ZNF28: variants seen among roughly 807,000 people sequenced by gnomAD.
ZNF28 encodes the protein zinc finger protein 28, also known as zinc finger protein KOX24.
In ZNF28, 5 loss-of-function variants were observed where a neutral mutation model predicts 7.2. The ratio of observed to expected loss-of-function variants is 0.70; its 90% CI spans 0.36 to 1.46. ZNF28 has a LOEUF of 1.46. Ranked by LOEUF, ZNF28 falls within the 40% of genes most tolerant of loss-of-function variation. ZNF28 has a pLI of 0.03. For missense variants in ZNF28, 879 were observed against 866.6 expected (o/e 1.01, Z -0.18); for synonymous variants, 288 against 292.4 (o/e 0.99, Z 0.15).
In ZNF28 at chr19:52,798,742, G is replaced by T; in HGVS notation, c.*946C>A. 1 of 549,822 alleles carries T rather than the reference G, an allele frequency of 1.8e-6. No homozygotes were observed. Among genetic ancestry groups the T allele is most frequent in the Non-Finnish European group, 3.3e-6 (1 of 299,318 alleles). The allele number at this position is 549,822 out of a possible 1,614,324, so 34.1% of individuals were successfully genotyped here. On this transcript the variant is annotated 3_prime_UTR_variant, in exon 4 of 4. Coordinates refer to ENST00000457749, the MANE Select transcript of ZNF28 (RefSeq NM_006969.5). The stretch of plus-strand genomic sequence containing the variant: ...GAATAGCAATATATGAACGATATCT[G>T]AAAAATCTGTCACATTTATTACACT...
intron 2 of ZNF28, among the ~76,000 whole-genome samples, chr19:52,817,315 T>C (rs2063139564): frequency 6.6e-6 from 1 of 152,076 alleles, no homozygotes; most frequent in Non-Finnish European, 1.5e-5. Context: ...GAGGTTGCGG[T>C]GAGCTGAGAT....
At chr19:52,803,558 A>C (rs1298639601) in intron 3 of ZNF28, among the ~76,000 whole-genome samples, 1 of 152,264 alleles carries the variant, frequency 6.6e-6, no homozygotes, top group Non-Finnish European at 1.5e-5. Context: ...CTCTTAAGAA[A>C]AAAGCCAAAA....
chr19:52,810,047 CGCCCCATGCCTGGGA>C, intron 2 of ZNF28: 1 of 737,096 alleles, frequency 1.4e-6, no homozygotes, highest in Non-Finnish European at 2.5e-6. Context: ...TCCAGCCCCG[CGCCCCATGCCTGGGA>C]GCTCCAGGAC....
In ZNF28 at chr19:52,820,136, A is replaced by C. The variant is rs1319498104; in HGVS notation, c.-74+1450T>G. 1.8e-3 allele frequency among the ~76,000 whole-genome samples: 208 copies of C among 114,702 alleles called. 23 individuals are homozygous for C. The highest frequency in any genetic ancestry group is 8.3e-3 in the African/African-American group (202 of 24,330). 75.2% of individuals were successfully genotyped at this position (114,702 alleles called of 152,430 possible). ...TTTTTTTTTTTTTTTTTTGAGACGG[A>C]GTCTCGCTCTGTCGTCCAGGCCGGA... On this transcript the variant is annotated intron_variant, in intron 1 of 3. Transcript: ENST00000457749.
chr19:52,799,702 C>T lies in ZNF28; in HGVS notation c.2143G>A (p.Gly715Arg). The T allele has an allele frequency of 6.4e-7, 1 of 1,571,108 alleles. No individual in the cohort carries two copies. Among genetic ancestry groups the T allele is most frequent in the South Asian group, 1.1e-5 (1 of 88,762 alleles). Reference protein sequence around the residue: ...NLVYHHRLHSGEKP With the variant: ...NLVYHHRLHSREKP ...TCATTACACTTTCAAGGTTTCTCTC[C>T]ACTATGAAGTCTATGATGGTATACA... is the stretch of plus-strand genomic sequence containing the variant. Residue 715 changes from glycine (G) to arginine (R), a missense_variant, in exon 4 of 4, where the codon GGA becomes AGA. Gly to Arg is a moderately radical substitution (Grantham distance 125, BLOSUM62 -2). Around this residue, in one of 2 missense-constraint regions of ZNF28, gnomAD observed 15 missense variants for 36.4 expected, o/e 0.41. Transcript: ENST00000457749.
Position 52,801,674 on chromosome 19 carries a change from T to C in ZNF28, c.171A>G (p.Thr57=), listed in dbSNP as rs2062873755. The part of the protein sequence containing the change: ...LDISSKCMMK[T]FFSTGQGNTE... Reference sequence around the variant, plus strand: ...TATTGCCTTGCCCTGTTGAGAAGAATGTCTTCATCATGCATTTGGAAGAGA... The same window carrying C: ...TATTGCCTTGCCCTGTTGAGAAGAACGTCTTCATCATGCATTTGGAAGAGA... Residue 57 remains threonine (T), a synonymous_variant, in exon 4 of 4, where the codon ACA becomes ACG. Transcript: ENST00000457749. 3 of 1,611,468 alleles carry C rather than the reference T, an allele frequency of 1.9e-6. No homozygotes were observed. The highest frequency in any genetic ancestry group is 1.3e-5 in the African/African-American group (1 of 74,770).
chr19:52,807,760 C>A (rs925364534), intron 3 of ZNF28: 1 of 644,614 alleles, frequency 1.6e-6, no homozygotes, highest in East Asian at 3.4e-5. Flanking sequence ...CAGGCGTGAG[C>A]CACCACGACC....
intron 1 of ZNF28, among the ~76,000 whole-genome samples, chr19:52,819,675 G>A (rs1332954455): frequency 1.4e-5 from 2 of 140,166 alleles, no homozygotes; most frequent in Non-Finnish European, 3.0e-5. Context: ...TCTTACATGG[G>A]GGCCTGGAAG....
In ZNF28 at chr19:52,803,227, C is replaced by T. The variant is rs117520377; in HGVS notation, c.143-1525G>A. On this transcript the variant is annotated intron_variant, in intron 3 of 3. Transcript: ENST00000457749. ...GAGCACCTGGGAATGCAGGCACATG[C>T]CACTGTGCCCGGCTAATTTTTGTAT... Among the ~76,000 whole-genome samples the T allele has an allele frequency of 8.6e-3, 1,306 of 152,164 alleles. 7 individuals carry two copies. Among genetic ancestry groups the T allele is most frequent in the South Asian group, 0.026 (124 of 4,822 alleles).
At chr19:52,817,270 G>A (rs1414337200) in intron 2 of ZNF28, among the ~76,000 whole-genome samples, 3 of 152,092 alleles carry the variant, frequency 2.0e-5, no homozygotes, top group Non-Finnish European at 2.9e-5. Context: ...TACTCGGGAG[G>A]CTGAGGCAGG....
chr19:52,805,279 A>G (rs1426406249), intron 3 of ZNF28: 1 of 150,942 alleles, frequency 6.6e-6, no homozygotes, highest in Non-Finnish European at 1.5e-5. Context: ...CAAAGAAAAA[A>G]AAAAAAGAAA....
chr19:52,817,509 G>C (rs537188545), intron 2 of ZNF28, among the ~76,000 whole-genome samples: 14 of 152,208 alleles, frequency 9.2e-5, no homozygotes, highest in African/African-American at 2.4e-4. Flanking sequence ...TATAAAATCA[G>C]GGAGAAAAGA....
intron 2 of ZNF28, chr19:52,810,209 A>G: frequency 1.8e-6 from 2 of 1,084,456 alleles, no homozygotes; most frequent in Non-Finnish European, 1.4e-6. Context: ...TAAAGGAGCT[A>G]CAGAACGACG....
rs1429052393 is a variant in ZNF28, at chr19:52,810,921, A to G, written c.16-2788T>C. On this transcript the variant is annotated intron_variant, in intron 2 of 3. Coordinates refer to ENST00000457749, the MANE Select transcript of ZNF28 (RefSeq NM_006969.5). ...CCCCTCCCTCTCCCTCTCCCTCCAC[A>G]GTCTCCCTCTGATGCCGAGCCAAAG... Among the ~76,000 whole-genome samples, 231 of 88,994 alleles carry G rather than the reference A, an allele frequency of 2.6e-3. 2 individuals are homozygous for G. The highest frequency in any genetic ancestry group is 9.4e-3 in the African/African-American group (214 of 22,826). 58.4% of individuals were successfully genotyped at this position (88,994 alleles called of 152,430 possible). A position where few individuals can be genotyped will look rare whatever the true frequency, so the allele number is the denominator to read the frequency against.
chr19:52,800,844 T>C lies in ZNF28; in HGVS notation c.1001A>G (p.Lys334Arg), dbSNP rs771573440. ...GKPYKCKVCD[K>R]AFTCNSYLAK... ...TAGGTATGAATTACATGTGAAAGCT[T>C]TGTCACAAACCTTACATTTGTATGG... is the stretch of plus-strand genomic sequence containing the variant. Residue 334 changes from lysine (K) to arginine (R), a missense_variant, in exon 4 of 4, where the codon AAA becomes AGA. By Grantham distance (26) the Lys-to-Arg change is conservative. Transcript: ENST00000457749. 27 of 1,613,946 alleles carry C rather than the reference T, an allele frequency of 1.7e-5. No homozygotes were observed. Among genetic ancestry groups the C allele is most frequent in the Non-Finnish European group, 2.3e-5 (27 of 1,179,962 alleles).
rs1215196786 is a variant in ZNF28 at position 52,801,329 on chromosome 19, G to A, written c.516C>T (p.Ser172=). 2 of 1,614,024 alleles carry A rather than the reference G, an allele frequency of 1.2e-6. No individual in the cohort carries two copies. The highest frequency in any genetic ancestry group is 1.7e-6 in the Non-Finnish European group (2 of 1,180,024). The part of the protein sequence containing the change: ...NQVEKSINNA[S]SVSTSQRICC... ...AAATTCTTTGGGATGTTGAAACTGA[G>A]GAAGCATTGTTGATAGACTTCTCAA... The change falls in exon 4 of 4, where the codon TCC becomes TCT. Residue 172 remains serine (S), a synonymous_variant. Transcript: ENST00000457749.
Position 52,809,760 on chromosome 19 carries a change from A to T in ZNF28, c.16-1627T>A, listed in dbSNP as rs1028685998. 6 of 474,504 alleles carry T rather than the reference A, an allele frequency of 1.3e-5. No individual in the cohort carries two copies. In the East Asian group the frequency reaches 2.2e-4, roughly 17 times the overall value. 29.4% of individuals were successfully genotyped at this position (474,504 alleles called of 1,614,324 possible). A position where few individuals can be genotyped will look rare whatever the true frequency, so the allele number is the denominator to read the frequency against. On this transcript the variant is annotated intron_variant, in intron 2 of 3. Transcript: ENST00000457749. Reference sequence around the variant, plus strand: ...GAGGGGGTTGCAGTGAGCTGAGATCATGCCACTTCACTGCAGCCTGGGTGA... The same window carrying T: ...GAGGGGGTTGCAGTGAGCTGAGATCTTGCCACTTCACTGCAGCCTGGGTGA...
At chr19:52,807,975 A>C in intron 3 of ZNF28, 32 bp downstream of exon 3, 1 of 1,612,142 alleles carries the variant, frequency 6.2e-7, no homozygotes, top group Non-Finnish European at 8.5e-7. Context: ...ACAAAGATAC[A>C]CAAGGGCACA....
chr19:52,810,481 C>T (rs2063005527), intron 2 of ZNF28: 1 of 1,586,590 alleles, frequency 6.3e-7, no homozygotes, highest in Non-Finnish European at 8.6e-7. Context: ...CTTCCTTGGC[C>T]TTGGATGAGT....
Sources: gnomAD v4.1 joint callset for allele counts (sites outside exome capture counted in the v4.1 genomes callset) on GRCh38, gnomAD v4.1.1 for gene constraint, gnomAD v4.1.1 regional missense constraint, MANE v1.5 for transcripts, NCBI Gene and HGNC (gene_info 2026-07-23, HGNC 2026-07-21) for gene names.